TAFA1: variants seen among roughly 807,000 people sequenced by gnomAD.
TAFA1 encodes the protein chemokine-like protein TAFA-1.
Under a neutral mutation model 18.5 loss-of-function variants are expected in TAFA1, and 4 were observed. That is an observed-to-expected ratio of 0.22 (90% CI 0.11 to 0.49). The LOEUF (loss-of-function observed/expected upper bound fraction) is 0.49, where lower values mean the gene tolerates loss of function less well. TAFA1 is among the 20% of genes least tolerant of loss of function. TAFA1 has a pLI of 0.98. For missense variants in TAFA1, 147 were observed against 169.0 expected (o/e 0.87, Z 0.72); for synonymous variants, 56 against 55.2 (o/e 1.01, Z -0.06).
intron 3 of TAFA1, among the ~76,000 whole-genome samples, chr3:68,451,613 A>T (rs1034964371): frequency 6.6e-6 from 1 of 152,150 alleles, no homozygotes; most frequent in African/African-American, 2.4e-5. Context: ...AGCACAAAAG[A>T]GGTTGATTTT....
chr3:68,095,487 G>A (rs1359893347), intron 2 of TAFA1, among the ~76,000 whole-genome samples: 2 of 152,102 alleles, frequency 1.3e-5, no homozygotes, highest in Non-Finnish European at 2.9e-5. Context: ...TTAAAATCAG[G>A]ACCCACTTTC....
rs114442890 is a variant in TAFA1 at position 68,530,531 on chromosome 3, G to A, written c.260-8225G>A. Among the ~76,000 whole-genome samples the A allele has an allele frequency of 8.9e-3, 1,359 of 152,280 alleles. 19 individuals carry two copies. The highest frequency in any genetic ancestry group is 0.032 in the African/African-American group (1,312 of 41,566). On this transcript the variant is annotated intron_variant, in intron 3 of 4. Coordinates refer to ENST00000478136, the MANE Select transcript of TAFA1 (RefSeq NM_213609.4). The stretch of plus-strand genomic sequence containing the variant: ...TAAGCATGGCAAATTCACAGAGCAA[G>A]TCCTAGAACCCCAGGGTTAAAAGGG...
intron 2 of TAFA1, among the ~76,000 whole-genome samples, chr3:68,301,634 G>A (rs989713854): frequency 6.6e-6 from 1 of 151,902 alleles, no homozygotes; most frequent in Non-Finnish European, 1.5e-5. Context: ...TCTCTGCACT[G>A]AAAAGATGGA....
chr3:68,073,704 G>A (rs2064786229), intron 2 of TAFA1, among the ~76,000 whole-genome samples: 1 of 152,100 alleles, frequency 6.6e-6, no homozygotes. Flanking sequence ...TTATACTGGT[G>A]GTGAGAGTAG....
chr3:68,418,543 C>G (rs1170244629), intron 3 of TAFA1, among the ~76,000 whole-genome samples: 3 of 151,706 alleles, frequency 2.0e-5, no homozygotes, highest in Non-Finnish European at 4.4e-5. Context: ...AGGGCATATT[C>G]ACTTCTTTTG....
At chr3:68,169,930 C>A (rs1473947518) in intron 2 of TAFA1, among the ~76,000 whole-genome samples, 5 of 152,162 alleles carry the variant, frequency 3.3e-5, no homozygotes, top group Non-Finnish European at 7.3e-5. Flanking sequence ...TTTAGAAAGA[C>A]CTTTCAAGAA....
intron 2 of TAFA1, among the ~76,000 whole-genome samples, chr3:68,113,818 TAG>T (rs2106842215): frequency 6.6e-6 from 1 of 151,044 alleles, no homozygotes; most frequent in East Asian, 2.0e-4. Flanking sequence ...CATCAAAAGG[TAG>T]AGTCTTGTGT....
intron 3 of TAFA1, among the ~76,000 whole-genome samples, chr3:68,507,651 T>C (rs1455477408): frequency 1.3e-5 from 2 of 152,134 alleles, no homozygotes; most frequent in Non-Finnish European, 2.9e-5. Context: ...TTGGGAAGCA[T>C]CGTAGTGTGA....
chr3:68,349,695 T>C (rs187241816), intron 2 of TAFA1, among the ~76,000 whole-genome samples: 19 of 152,198 alleles, frequency 1.2e-4, no homozygotes, highest in African/African-American at 4.3e-4. Context: ...AAAGCAACCA[T>C]AAGCAATATG....
chr3:68,411,382 C>A (rs2070713987), intron 2 of TAFA1, among the ~76,000 whole-genome samples: 1 of 152,136 alleles, frequency 6.6e-6, no homozygotes, highest in South Asian at 2.1e-4. Context: ...TTTGATCATG[C>A]AAAAATCCAT....
chr3:68,442,657 C>A (rs2071405636), intron 3 of TAFA1, among the ~76,000 whole-genome samples: 1 of 152,032 alleles, frequency 6.6e-6, no homozygotes, highest in South Asian at 2.1e-4. Flanking sequence ...GAGAAGAAAT[C>A]TATATTCTAA....
intron 2 of TAFA1, among the ~76,000 whole-genome samples, chr3:68,024,833 A>ACACACAC (rs397978695): frequency 2.0e-5 from 3 of 151,136 alleles, no homozygotes; most frequent in Admixed American, 6.6e-5. Flanking sequence ...ACACACACAC[A>ACACACAC]ATTATACATT....
At chr3:68,182,356 A>G (rs1272249739) in intron 2 of TAFA1, among the ~76,000 whole-genome samples, 1 of 152,170 alleles carries the variant, frequency 6.6e-6, no homozygotes, top group Non-Finnish European at 1.5e-5. Flanking sequence ...TGTACTGTGT[A>G]TTGTGCTCAG....
At chr3:68,065,664 TATATACATAGGTAGATATAGAGACGAC>T (rs2064665028) in intron 2 of TAFA1, among the ~76,000 whole-genome samples, 1 of 151,922 alleles carries the variant, frequency 6.6e-6, no homozygotes, top group Non-Finnish European at 1.5e-5. Context: ...TATGTGTGTA[TATATACATAGGTAGATATAGAGACGAC>T]ATATACATAT....
intron 3 of TAFA1, among the ~76,000 whole-genome samples, chr3:68,441,781 A>G (rs917096721): frequency 1.3e-5 from 2 of 152,162 alleles, no homozygotes; most frequent in African/African-American, 4.8e-5. Flanking sequence ...GGAAGAGAAG[A>G]CTAGGGCCTG....
chr3:68,389,839 A>G (rs1206248942), intron 2 of TAFA1, among the ~76,000 whole-genome samples: 1 of 152,072 alleles, frequency 6.6e-6, no homozygotes, highest in Non-Finnish European at 1.5e-5. Flanking sequence ...CCCAGATACT[A>G]CGCTTTTCCC....
At chr3:68,458,808 T>C (rs2071717007) in intron 3 of TAFA1, among the ~76,000 whole-genome samples, 1 of 152,006 alleles carries the variant, frequency 6.6e-6, no homozygotes, top group African/African-American at 2.4e-5. Context: ...TTTTAAACTG[T>C]ATCACTACTT....
chr3:68,002,801 C>T (rs1462195643), upstream of TAFA1, among the ~76,000 whole-genome samples: 2 of 152,140 alleles, frequency 1.3e-5, no homozygotes, highest in Non-Finnish European at 2.9e-5. Context: ...CTTTAATCTT[C>T]CTGTCTCCTC....
intron 2 of TAFA1, among the ~76,000 whole-genome samples, chr3:68,221,264 G>T (rs974205648): frequency 3.9e-5 from 6 of 152,034 alleles, no homozygotes; most frequent in African/African-American, 1.2e-4. Context: ...AAAGAAAACT[G>T]GGACCCAATT....
Sources: gnomAD v4.1 joint callset for allele counts (sites outside exome capture counted in the v4.1 genomes callset) on GRCh38, gnomAD v4.1.1 for gene constraint, MANE v1.5 for transcripts, NCBI Gene and HGNC (gene_info 2026-07-23, HGNC 2026-07-21) for gene names.